CACNA1C: variants seen among roughly 807,000 people sequenced by gnomAD.
The protein encoded by CACNA1C is calcium voltage-gated channel subunit alpha1 C.
CACNA1C carries 30 observed loss-of-function variants against 229.0 expected under a neutral mutation model. The ratio of observed to expected loss-of-function variants is 0.13; its 90% CI spans 0.10 to 0.18. The LOEUF (loss-of-function observed/expected upper bound fraction) is 0.18. Among genes scored for constraint, CACNA1C ranks in the 10% least tolerant of loss-of-function variants. The probability of loss-of-function intolerance (pLI) is 1.00; values close to 1 mark genes in which losing one functional copy is unlikely to be tolerated. For synonymous variants in CACNA1C, 1,114 were observed against 1,132.5 expected, an observed-to-expected ratio of 0.98 and a Z score of 0.33; for missense variants, 1,658 against 2,845.0, an observed-to-expected ratio of 0.58 and a Z score of 9.49.
At chr12:2,365,778 T>A (rs1447663171) in intron 3 of CACNA1C, among the ~76,000 whole-genome samples, 1 of 152,194 alleles carries the variant, frequency 6.6e-6, no homozygotes, top group East Asian at 1.9e-4. Context: ...TGCCAACAAG[T>A]TTGAAACTTC....
chr12:2,338,530 C>A (rs1315286491), intron 3 of CACNA1C, among the ~76,000 whole-genome samples: 1 of 151,342 alleles, frequency 6.6e-6, no homozygotes, highest in Non-Finnish European at 1.5e-5. Context: ...CATGGTCCCC[C>A]TCCCTCCAGT....
At chr12:2,505,019 T>G in intron 8 of CACNA1C, 74 bp downstream of exon 8, 1 of 823,848 alleles carries the variant, frequency 1.2e-6, no homozygotes, top group Non-Finnish European at 2.0e-6. Flanking sequence ...TTCCTGGCTG[T>G]ATTCTTTTTC....
intron 3 of CACNA1C, among the ~76,000 whole-genome samples, chr12:2,207,412 G>A (rs1044995503): frequency 1.3e-5 from 2 of 152,156 alleles, no homozygotes; most frequent in East Asian, 1.9e-4. Context: ...ACATTATGCT[G>A]TATTTTGTTA....
At chr12:2,375,975 A>G (rs1228616581) in intron 3 of CACNA1C, among the ~76,000 whole-genome samples, 1 of 152,236 alleles carries the variant, frequency 6.6e-6, no homozygotes, top group Non-Finnish European at 1.5e-5. Context: ...AAACAGTCCA[A>G]GAAGAACCAA....
intron 1 of CACNA1C, among the ~76,000 whole-genome samples, chr12:2,039,548 A>G (rs1011111072): frequency 2.6e-5 from 4 of 152,248 alleles, no homozygotes; most frequent in Admixed American, 6.5e-5. Context: ...TTCAAAGGTA[A>G]GTACAACATC....
At chr12:2,091,967 G>A (rs2071331637) in intron 1 of CACNA1C, among the ~76,000 whole-genome samples, 2 of 152,186 alleles carry the variant, frequency 1.3e-5, no homozygotes, top group East Asian at 1.9e-4. Context: ...TTTAAAGGAG[G>A]TGGGTGGGCC....
intron 28 of CACNA1C, among the ~76,000 whole-genome samples, chr12:2,611,273 C>T (rs1159449997): frequency 9.0e-6 from 1 of 111,332 alleles, no homozygotes; most frequent in Non-Finnish European, 1.8e-5. Context: ...GAGCTGGATG[C>T]GTTCATTTTT....
chr12:2,201,282 A>G (rs2097573341), intron 3 of CACNA1C, among the ~76,000 whole-genome samples: 1 of 152,324 alleles, frequency 6.6e-6, no homozygotes, highest in African/African-American at 2.4e-5. Context: ...TTGGAGATTC[A>G]ATAATTGAGC....
intron 3 of CACNA1C, among the ~76,000 whole-genome samples, chr12:2,186,146 A>G (rs2096996972): frequency 6.6e-6 from 1 of 152,104 alleles, no homozygotes; most frequent in South Asian, 2.1e-4. Flanking sequence ...TTTATGGGAA[A>G]ACTGCCCAGC....
chr12:2,123,889 G>A (rs1358030029), intron 3 of CACNA1C, among the ~76,000 whole-genome samples: 1 of 152,196 alleles, frequency 6.6e-6, no homozygotes, highest in Non-Finnish European at 1.5e-5. Context: ...TAGGGTTGTT[G>A]TGAAGATTAA....
At chr12:2,682,499 T>C in intron 42 of CACNA1C, 51 bp from the exon 43 acceptor site, 4 of 1,594,840 alleles carry the variant, frequency 2.5e-6, no homozygotes, top group Non-Finnish European at 2.6e-6. Flanking sequence ...CTGAAGGAAG[T>C]GGAGGAAGGT....
At chr12:2,021,605 G>A (rs759070160) in intron 1 of CACNA1C, among the ~76,000 whole-genome samples, 20 of 152,034 alleles carry the variant, frequency 1.3e-4, no homozygotes, top group South Asian at 2.1e-4. Flanking sequence ...GCTTGAACCC[G>A]GGAGGTGGAG....
chr12:2,566,407 C>T lies in CACNA1C; in HGVS notation c.1509-15C>T. 3.2e-6 allele frequency: 5 copies of T among 1,578,278 alleles called. No individual in the cohort carries two copies. The highest frequency in any genetic ancestry group is 4.3e-6 in the Non-Finnish European group (5 of 1,161,608). On this transcript the variant is annotated splice_polypyrimidine_tract_variant and intron_variant, in intron 11 of 46. Coordinates refer to ENST00000399655, the MANE Select transcript of CACNA1C (RefSeq NM_000719.7). The surrounding 1 kb of genome is among the most constrained non-coding windows in gnomAD (Gnocchi z 4.0). ...CACAGCCAACCCCACCCTTCTCTCC[C>T]TGTCCCCTTTCCAGCCGCTACTGGC...
chr12:2,361,615 AG>A, intron 3 of CACNA1C, among the ~76,000 whole-genome samples: 1 of 152,336 alleles, frequency 6.6e-6, no homozygotes, highest in East Asian at 1.9e-4. Context: ...ATGGCAAAGC[AG>A]AAAGCTGAAA....
rs575274872 is a variant in CACNA1C at position 2,215,860 on chromosome 12, A to G, written c.477+95430A>G. ...GCAGCTGATGGCGAATCTGTGTCCTAGAACACGCCCTGCTGCCACCAGTGT... is the reference window on the plus strand; with the variant it reads ...GCAGCTGATGGCGAATCTGTGTCCTGGAACACGCCCTGCTGCCACCAGTGT... On this transcript the variant is annotated intron_variant, in intron 3 of 46. Coordinates refer to ENST00000399655, the MANE Select transcript of CACNA1C (RefSeq NM_000719.7). The surrounding 1 kb of genome is among the most constrained non-coding windows in gnomAD (Gnocchi z 5.0). 1.6e-3 allele frequency among the ~76,000 whole-genome samples: 244 copies of G among 152,312 alleles called. No homozygotes were observed. Among genetic ancestry groups the G allele is most frequent in the African/African-American group, 5.5e-3 (228 of 41,582 alleles).
At chr12:2,661,288 C>G (rs2095714189) in intron 34 of CACNA1C, among the ~76,000 whole-genome samples, 1 of 149,624 alleles carries the variant, frequency 6.7e-6, no homozygotes, top group Non-Finnish European at 1.5e-5. Context: ...CATACACACA[C>G]ACACACACAC....
At chr12:2,333,601 T>A (rs2096612231) in intron 3 of CACNA1C, among the ~76,000 whole-genome samples, 1 of 152,168 alleles carries the variant, frequency 6.6e-6, no homozygotes, top group African/African-American at 2.4e-5. Flanking sequence ...TGCAGCCTTG[T>A]TAGGGTGATT....
intron 3 of CACNA1C, among the ~76,000 whole-genome samples, chr12:2,185,860 G>A (rs780371232): frequency 2.1e-4 from 32 of 152,276 alleles, no homozygotes; most frequent in Non-Finnish European, 3.7e-4. Context: ...GTCTTTGCCC[G>A]GTGGGCTCCA....
chr12:2,480,043 A>G (rs550082968), intron 5 of CACNA1C, among the ~76,000 whole-genome samples: 2 of 152,170 alleles, frequency 1.3e-5, no homozygotes, highest in Admixed American at 6.5e-5. Context: ...CGAGGACGTT[A>G]TCAGGAGGGC....
Sources: gnomAD v4.1 joint callset for allele counts (sites outside exome capture counted in the v4.1 genomes callset) on GRCh38, gnomAD v4.1.1 for gene constraint, Gnocchi (gnomAD v3.1) non-coding constraint, MANE v1.5 for transcripts, NCBI Gene and HGNC (gene_info 2026-07-23, HGNC 2026-07-21) for gene names.